The following ROBO2 variants were observed in gnomAD, a reference collection of about 807,000 sequenced individuals.
ROBO2 encodes roundabout guidance receptor 2.
Under a neutral mutation model 160.8 loss-of-function variants are expected in ROBO2, and 53 were observed. That is an observed-to-expected ratio of 0.33 (90% CI 0.26 to 0.41). The LOEUF is 0.41. Among genes scored for constraint, ROBO2 ranks in the 10% least tolerant of loss-of-function variants. ROBO2 has a pLI of 1.00. For synonymous variants in ROBO2, 664 were observed against 611.7 expected (o/e 1.09, Z -1.26); for missense variants, 1,577 against 1,722.4 (o/e 0.92, Z 1.49).
chr3:77,260,365 G>T (rs1271315204), intron 2 of ROBO2, among the ~76,000 whole-genome samples: 1 of 152,058 alleles, frequency 6.6e-6, no homozygotes, highest in Admixed American at 6.6e-5. Context: ...ATACTCCACA[G>T]CACAAATGAA....
intron 2 of ROBO2, among the ~76,000 whole-genome samples, chr3:77,456,196 T>C (rs769287201): frequency 1.6e-4 from 24 of 152,344 alleles, no homozygotes; most frequent in South Asian, 4.1e-4. Flanking sequence ...AGCTATATTA[T>C]TTTGTACTTA....
At chr3:76,333,239 C>T (rs6796305) in intron 2 of ROBO2, among the ~76,000 whole-genome samples, 128,662 of 152,076 alleles carry the variant, frequency 0.85, 56,339 homozygotes, top group Non-Finnish European at 0.98. Flanking sequence ...GCTACCTGCC[C>T]GAGAAGGTTG....
At chr3:76,439,456 T>A (rs891243301) in intron 2 of ROBO2, among the ~76,000 whole-genome samples, 3 of 152,002 alleles carry the variant, frequency 2.0e-5, no homozygotes, top group Non-Finnish European at 1.5e-5. Flanking sequence ...ATCGGGAAGA[T>A]AAGAGAAGGT....
chr3:77,165,434 C>T (rs905865754), intron 2 of ROBO2, among the ~76,000 whole-genome samples: 1 of 148,546 alleles, frequency 6.7e-6, no homozygotes, highest in Admixed American at 6.8e-5. Context: ...CGGAAGGCCG[C>T]AGGGTCCTCT....
At chr3:76,340,882 G>A (rs981812533) in intron 2 of ROBO2, among the ~76,000 whole-genome samples, 2 of 152,120 alleles carry the variant, frequency 1.3e-5, no homozygotes, top group African/African-American at 4.8e-5. Context: ...TAATTAGCAT[G>A]CGGAAATATC....
At chr3:77,334,522 A>G (rs1581145717) in intron 2 of ROBO2, among the ~76,000 whole-genome samples, 3 of 152,278 alleles carry the variant, frequency 2.0e-5, no homozygotes, top group South Asian at 4.1e-4. Context: ...CACTGCTTTC[A>G]TTCATTCATA....
intron 2 of ROBO2, among the ~76,000 whole-genome samples, chr3:76,716,195 T>G (rs1212540644): frequency 2.6e-5 from 4 of 152,172 alleles, no homozygotes; most frequent in Non-Finnish European, 5.9e-5. Flanking sequence ...CTGTGTATTG[T>G]CAAAGTAGAT....
At chr3:77,622,309 G>A in exon 23 of ROBO2, 1 of 1,614,098 alleles carries the variant, frequency 6.2e-7, no homozygotes, top group Non-Finnish European at 8.5e-7. Flanking sequence ...TTCTGATTTG[G>A]AAACGGATGT....
chr3:76,018,206 C>T (rs181832171), intron 2 of ROBO2, among the ~76,000 whole-genome samples: 23 of 151,766 alleles, frequency 1.5e-4, no homozygotes, highest in Non-Finnish European at 3.1e-4. Context: ...AAATTGGCCT[C>T]AAAAATGATA....
chr3:76,050,575 GA>G (rs1267965939), intron 2 of ROBO2, among the ~76,000 whole-genome samples: 1 of 152,100 alleles, frequency 6.6e-6, no homozygotes, highest in Non-Finnish European at 1.5e-5. Flanking sequence ...ATCCAGCTAG[GA>G]GACACAGTTA....
rs144846170 is a variant in ROBO2 at position 75,956,514 on chromosome 3, A to G, written c.109+18912A>G. Among the ~76,000 whole-genome samples the G allele has an allele frequency of 2.4e-3, 361 of 151,806 alleles. 2 individuals are homozygous for G. The highest frequency in any genetic ancestry group is 8.3e-3 in the African/African-American group (345 of 41,506). ...ATCATTACTTTACCATTACCTTTTA[A>G]TTTGGAAATGTAAAAATCCATTGCC... On this transcript the variant is annotated intron_variant, in intron 2 of 26. Coordinates refer to the ROBO2 transcript ENST00000487694.
intron 2 of ROBO2, among the ~76,000 whole-genome samples, chr3:75,947,255 T>C (rs75497445): frequency 6.6e-6 from 1 of 152,200 alleles, no homozygotes; most frequent in African/African-American, 2.4e-5. Flanking sequence ...CAAGTGGAGA[T>C]ATCAAGTAGG....
chr3:76,395,603 GA>G (rs1347656335), intron 2 of ROBO2, among the ~76,000 whole-genome samples: 1 of 150,950 alleles, frequency 6.6e-6, no homozygotes, highest in Non-Finnish European at 1.5e-5. Flanking sequence ...AAAGAGAGAA[GA>G]ATCAAATAGA....
chr3:77,605,732 A>T (rs1207903072), intron 20 of ROBO2, among the ~76,000 whole-genome samples: 1 of 152,180 alleles, frequency 6.6e-6, no homozygotes, highest in Non-Finnish European at 1.5e-5. Context: ...TACTGGGTGA[A>T]TGTGGACCAC....
intron 2 of ROBO2, among the ~76,000 whole-genome samples, chr3:76,802,928 C>T (rs2064338756): frequency 6.6e-6 from 1 of 152,008 alleles, no homozygotes; most frequent in South Asian, 2.1e-4. Flanking sequence ...AGCAGAACTC[C>T]AAGTCTATGA....
At chr3:77,367,401 CG>C (rs1309168363) in intron 2 of ROBO2, among the ~76,000 whole-genome samples, 8 of 151,956 alleles carry the variant, frequency 5.3e-5, no homozygotes, top group Non-Finnish European at 1.5e-5. Flanking sequence ...TCCCAACCCC[CG>C]ACCCAGTAGT....
At chr3:76,031,732 A>C (rs564092351) in intron 2 of ROBO2, among the ~76,000 whole-genome samples, 24 of 152,240 alleles carry the variant, frequency 1.6e-4, no homozygotes, top group South Asian at 6.2e-4. Flanking sequence ...CTTGGTGGAT[A>C]AGCTTTTTGA....
chr3:76,726,330 T>G (rs1286226787), intron 2 of ROBO2, among the ~76,000 whole-genome samples: 4 of 152,088 alleles, frequency 2.6e-5, no homozygotes, highest in Admixed American at 2.6e-4. Context: ...TCGTTAATTA[T>G]TAGTAGTTCT....
chr3:76,033,581 T>C (rs1021511438), intron 2 of ROBO2, among the ~76,000 whole-genome samples: 1 of 152,212 alleles, frequency 6.6e-6, no homozygotes, highest in Non-Finnish European at 1.5e-5. Flanking sequence ...TTACTACTCA[T>C]TGTTATTTAT....
Sources: allele counts gnomAD v4.1 joint callset (sites outside exome capture counted in the v4.1 genomes callset), GRCh38; gene constraint gnomAD v4.1.1; transcripts MANE v1.5; gene names NCBI Gene and HGNC (gene_info 2026-07-23, HGNC 2026-07-21).